ADK: variants seen among roughly 807,000 people sequenced by gnomAD.
ADK encodes the protein adenosine kinase.
In ADK, 24 loss-of-function variants were observed where a neutral mutation model predicts 44.7. The observed-to-expected ratio is 0.54, with a 90% CI of 0.39 to 0.76. The LOEUF (loss-of-function observed/expected upper bound fraction) is 0.76, where lower values mean the gene tolerates loss of function less well. Among genes scored for constraint, ADK ranks in the 30% least tolerant of loss-of-function variants. The pLI is 0.00. For synonymous variants in ADK, 128 were observed against 142.6 expected (o/e 0.90, Z 0.73); for missense variants, 321 against 425.1 (o/e 0.76, Z 2.15).
At chr10:74,170,855 T>G (rs1842144287) in intron 1 of ADK, among the ~76,000 whole-genome samples, 1 of 151,220 alleles carries the variant, frequency 6.6e-6, no homozygotes, top group South Asian at 2.1e-4. Flanking sequence ...TTATAAAAAT[T>G]ATAACTATAA....
At chr10:74,646,328 G>C (rs1417448903) in intron 9 of ADK, among the ~76,000 whole-genome samples, 1 of 152,198 alleles carries the variant, frequency 6.6e-6, no homozygotes. Context: ...CTGAAAGGCA[G>C]TGAAAGATGA....
At chr10:74,404,436 C>G (rs1291389112) in intron 6 of ADK, among the ~76,000 whole-genome samples, 3 of 152,072 alleles carry the variant, frequency 2.0e-5, no homozygotes, top group Non-Finnish European at 4.4e-5. Context: ...AGAGGGCATT[C>G]TTTAACATCT....
At chr10:74,252,420 A>G (rs548465754) in intron 3 of ADK, among the ~76,000 whole-genome samples, 1 of 152,302 alleles carries the variant, frequency 6.6e-6, no homozygotes, top group South Asian at 2.1e-4. Context: ...AAGAAACCTA[A>G]CTGGGATCTG....
chr10:74,657,255 AAATGATGG>A (rs1162134843), intron 9 of ADK, among the ~76,000 whole-genome samples: 1 of 152,202 alleles, frequency 6.6e-6, no homozygotes, highest in Non-Finnish European at 1.5e-5. Flanking sequence ...TCTCATTTTT[AAATGATGG>A]AATGATGGAA....
chr10:74,303,143 T>A (rs142573341), intron 3 of ADK, among the ~76,000 whole-genome samples: 30 of 152,204 alleles, frequency 2.0e-4, no homozygotes, highest in Admixed American at 2.0e-3. Context: ...TCAGAAGATA[T>A]GAAACACAAT....
chr10:74,473,654 G>A (rs1280263386), intron 6 of ADK, among the ~76,000 whole-genome samples: 1 of 152,178 alleles, frequency 6.6e-6, no homozygotes, highest in Non-Finnish European at 1.5e-5. Context: ...CCACTGAGGT[G>A]ATTTTGCTTT....
intron 3 of ADK, among the ~76,000 whole-genome samples, chr10:74,237,010 G>A (rs150915247): frequency 7.5e-4 from 114 of 152,310 alleles, no homozygotes; most frequent in African/African-American, 2.6e-3. Flanking sequence ...TGATCAGGAT[G>A]TTGGTTGCTG....
At chr10:74,217,560 C>T (rs1844103490) in intron 2 of ADK, among the ~76,000 whole-genome samples, 1 of 152,228 alleles carries the variant, frequency 6.6e-6, no homozygotes, top group South Asian at 2.1e-4. Flanking sequence ...AACGGGCAGA[C>T]TGCCTCCTCA....
At chr10:74,394,108 C>A in intron 4 of ADK, 33 bp from the exon 5 acceptor site, 3 of 1,610,054 alleles carry the variant, frequency 1.9e-6, no homozygotes, top group Non-Finnish European at 2.5e-6. Flanking sequence ...CATTTTTTTG[C>A]CCCATTAAAT....
rs371263069 is a variant in ADK, at chr10:74,688,993, C to T, written c.964+18724C>T. Among the ~76,000 whole-genome samples the T allele has an allele frequency of 7.9e-5, 12 of 151,970 alleles. No homozygotes were observed. The East Asian group carries it at 1.8e-3, about 22-fold the overall frequency. On this transcript the variant is annotated intron_variant, in intron 10 of 10. Coordinates refer to ENST00000539909, the MANE Select transcript of ADK (RefSeq NM_006721.4). ...GGCTGGGGGGCATGGTGGCTCACGC[C>T]TGTAATCCCAGCACTTTGGGAGGCC...
intron 1 of ADK, among the ~76,000 whole-genome samples, chr10:74,153,828 G>A (rs1385997747): frequency 1.3e-5 from 2 of 152,118 alleles, no homozygotes; most frequent in Non-Finnish European, 2.9e-5. Flanking sequence ...TTTCTTTAGC[G>A]ATCGCCTCTT....
At chr10:74,382,281 T>C (rs1286410372) in intron 4 of ADK, among the ~76,000 whole-genome samples, 1 of 152,150 alleles carries the variant, frequency 6.6e-6, no homozygotes, top group Admixed American at 6.5e-5. Context: ...GTATTTTTTC[T>C]AGAGATGGGG....
chr10:74,338,300 G>A (rs1217702198), intron 4 of ADK, among the ~76,000 whole-genome samples: 1 of 152,136 alleles, frequency 6.6e-6, no homozygotes, highest in East Asian at 1.9e-4. Flanking sequence ...AGAATGAATG[G>A]ATTTCTCATC....
intron 9 of ADK, among the ~76,000 whole-genome samples, chr10:74,606,006 C>T (rs1400300001): frequency 6.6e-6 from 1 of 152,136 alleles, no homozygotes; most frequent in Non-Finnish European, 1.5e-5. Context: ...TCCATTTCTT[C>T]TAGATTTTCT....
At chr10:74,689,567 T>C (rs1191719331) in intron 10 of ADK, among the ~76,000 whole-genome samples, 2 of 152,290 alleles carry the variant, frequency 1.3e-5, no homozygotes, top group South Asian at 2.1e-4. Flanking sequence ...ACAAATTTGG[T>C]TTGCCAAAAT....
chr10:74,164,149 A>G (rs1841974380), intron 1 of ADK, among the ~76,000 whole-genome samples: 1 of 152,216 alleles, frequency 6.6e-6, no homozygotes, highest in African/African-American at 2.4e-5. Flanking sequence ...TGTTCATCCA[A>G]ATGTATTAAA....
chr10:74,570,092 G>A (rs1484730285), intron 7 of ADK, among the ~76,000 whole-genome samples: 11 of 151,980 alleles, frequency 7.2e-5, no homozygotes, highest in South Asian at 2.1e-4. Flanking sequence ...GTAGATATGC[G>A]GCGTTATTTC....
chr10:74,162,457 G>A (rs1384438676), intron 1 of ADK, among the ~76,000 whole-genome samples: 1 of 152,112 alleles, frequency 6.6e-6, no homozygotes, highest in East Asian at 1.9e-4. Context: ...TAAATGGAGT[G>A]AGCTTGTGTG....
rs570286479 is a variant in ADK, at chr10:74,163,153, A to T, written c.65+11810A>T. ...GGCTAATTTTTTGTATTTTTAGTAG[A>T]GACGGGGTTTCACCATGTTAGCCAG... On this transcript the variant is annotated intron_variant, in intron 1 of 10. Coordinates refer to ENST00000539909, the MANE Select transcript of ADK (RefSeq NM_006721.4). Among the ~76,000 whole-genome samples, 3 of 151,784 alleles carry T rather than the reference A, an allele frequency of 2.0e-5. No homozygotes were observed. In the East Asian group the frequency reaches 5.9e-4, roughly 30 times the overall value.
Sources: gnomAD v4.1 joint callset for allele counts (sites outside exome capture counted in the v4.1 genomes callset) on GRCh38, gnomAD v4.1.1 for gene constraint, MANE v1.5 for transcripts, NCBI Gene and HGNC (gene_info 2026-07-23, HGNC 2026-07-21) for gene names.